Variants in NAA40 observed in about 807,000 individuals in gnomAD.
The protein encoded by NAA40 is N-alpha-acetyltransferase 40.
A neutral mutation model predicts 36.6 loss-of-function variants in NAA40; 26 were observed. The observed-to-expected ratio is 0.71, with a 90% CI of 0.52 to 0.98. NAA40 has a LOEUF of 0.98. Among genes scored for constraint, NAA40 ranks in the 50% least tolerant of loss-of-function variants. The pLI, the probability that NAA40 is intolerant of heterozygous loss-of-function variation, is 0.00. For missense variants in NAA40, 237 were observed against 306.5 expected (o/e 0.77, Z 1.69); for synonymous variants, 129 against 108.4 (o/e 1.19, Z -1.18).
Position 63,939,017 on chromosome 11 carries a change from G to GCCGCTGTTGCAGCCA in NAA40, c.-75_-61dup. The GCCGCTGTTGCAGCCA allele has an allele frequency of 7.3e-7, 1 of 1,366,862 alleles. No homozygotes were observed. The highest frequency in any genetic ancestry group is 1.0e-6 in the Non-Finnish European group (1 of 990,200). 84.7% of individuals were successfully genotyped at this position (1,366,862 alleles called of 1,614,324 possible). A position where few individuals can be genotyped will look rare whatever the true frequency, so the allele number is the denominator to read the frequency against. On this transcript the variant is annotated 5_prime_UTR_variant, in exon 1 of 8. Coordinates refer to ENST00000377793, the MANE Select transcript of NAA40 (RefSeq NM_024771.4). ...TTGCAGGGCCGTCCGCTCTGCTGCC[G>GCCGCTGTTGCAGCCA]CCGCTGTTGCAGCCACCGCCGTTGC... is the stretch of plus-strand genomic sequence containing the variant.
chr11:63,950,586 C>T (rs541498129), intron 3 of NAA40, among the ~76,000 whole-genome samples: 27 of 152,190 alleles, frequency 1.8e-4, no homozygotes, highest in African/African-American at 2.4e-4. Flanking sequence ...CCTCAGCCGC[C>T]GGAGTAGCTG....
chr11:63,953,234 GA>G (rs1942310772), intron 6 of NAA40, among the ~76,000 whole-genome samples: 1 of 151,970 alleles, frequency 6.6e-6, no homozygotes, highest in Non-Finnish European at 1.5e-5. Flanking sequence ...TTTTAGTAGA[GA>G]CGGGGTTTCT....
At position 63,953,959 on chromosome 11, in the gene NAA40, T is replaced by C. The variant is rs1185339316; in HGVS notation, c.495-13T>C. On this transcript the variant is annotated splice_polypyrimidine_tract_variant and intron_variant, in intron 6 of 7. Coordinates refer to ENST00000377793, the MANE Select transcript of NAA40 (RefSeq NM_024771.4). ...TTCTCTTTCTAAAAGGCGTTTGCTC[T>C]GCTTTCTTCCAGCACACAGATGAAG... 3.1e-6 allele frequency: 5 copies of C among 1,613,206 alleles called. No individual in the cohort carries two copies. The highest frequency in any genetic ancestry group is 4.2e-6 in the Non-Finnish European group (5 of 1,179,484).
chr11:63,939,008 T>TCTG lies in NAA40; in HGVS notation c.-84_-82dup. On this transcript the variant is annotated 5_prime_UTR_variant, in exon 1 of 8. Transcript: ENST00000377793. ...GCATGCGCGTTGCAGGGCCGTCCGCTCTGCTGCCGCCGCTGTTGCAGCCAC... is the reference window on the plus strand; with the variant it reads ...GCATGCGCGTTGCAGGGCCGTCCGCTCTGCTGCTGCCGCCGCTGTTGCAGCCAC... 9.2e-7 allele frequency: 1 copy of TCTG among 1,085,728 alleles called. No homozygotes were observed. The highest frequency in any genetic ancestry group is 1.3e-6 in the Non-Finnish European group (1 of 755,714). The allele number at this position is 1,085,728 out of a possible 1,614,324, so 67.3% of individuals were successfully genotyped here.
intron 3 of NAA40, among the ~76,000 whole-genome samples, chr11:63,951,418 ACTGCAACCTCC>A (rs1433257154): frequency 2.0e-5 from 3 of 152,060 alleles, no homozygotes; most frequent in Non-Finnish European, 4.4e-5. Context: ...ATCTTGGCTC[ACTGCAACCTCC>A]GCCTCCCAGG....
intron 5 of NAA40, 38 bp from the exon 6 acceptor site, chr11:63,952,718 C>T: frequency 6.2e-7 from 1 of 1,611,034 alleles, no homozygotes; most frequent in Admixed American, 1.7e-5. Flanking sequence ...TCTTCATGTC[C>T]CATCCTGCAC....
chr11:63,943,916 A>G (rs7933899), intron 1 of NAA40, among the ~76,000 whole-genome samples: 8,791 of 152,294 alleles, frequency 0.058, 861 homozygotes, highest in African/African-American at 0.2. Flanking sequence ...AAACCTGTCC[A>G]TGGTAGAGGG....
chr11:63,939,166 T>G (rs1465591112), intron 1 of NAA40, 64 bp downstream of exon 1: 10 of 1,524,446 alleles, frequency 6.6e-6, no homozygotes, highest in Non-Finnish European at 8.8e-6. Flanking sequence ...TCGCCCCCTT[T>G]GTTCTTAAAC....
In NAA40 at chr11:63,956,291, G is replaced by C. The variant is rs1269118499; in HGVS notation, c.*1812G>C. The C allele has an allele frequency of 2.0e-5, 3 of 152,658 alleles. No homozygotes were observed. The highest frequency in any genetic ancestry group is 4.4e-5 in the Non-Finnish European group (3 of 68,052). 9.5% of individuals were successfully genotyped at this position (152,658 alleles called of 1,614,324 possible). A position where few individuals can be genotyped will look rare whatever the true frequency, so the allele number is the denominator to read the frequency against. Reference sequence around the variant, plus strand: ...TCCTAAGAATCATGAAACCACAGGAGCATGTTTAGGAAGAGATTTGTCTCT... The same window carrying C: ...TCCTAAGAATCATGAAACCACAGGACCATGTTTAGGAAGAGATTTGTCTCT... On this transcript the variant is annotated 3_prime_UTR_variant, in exon 8 of 8. Transcript: ENST00000377793.
At chr11:63,948,378 C>T (rs1176992146) in intron 3 of NAA40, among the ~76,000 whole-genome samples, 2 of 152,034 alleles carry the variant, frequency 1.3e-5, no homozygotes, top group East Asian at 3.9e-4. Context: ...TGTTAAAAGC[C>T]AATTCCTGGC....
intron 1 of NAA40, among the ~76,000 whole-genome samples, chr11:63,944,870 T>C (rs1490764770): frequency 7.1e-6 from 1 of 141,750 alleles, no homozygotes; most frequent in African/African-American, 2.7e-5. Context: ...ACCACTGCAT[T>C]CCAGCTTGGG....
intron 3 of NAA40, among the ~76,000 whole-genome samples, chr11:63,951,201 C>G (rs1942274190): frequency 6.6e-6 from 1 of 152,186 alleles, no homozygotes; most frequent in Admixed American, 6.5e-5. Flanking sequence ...GAATGTAGTG[C>G]TCTCTAGGGA....
chr11:63,953,865 A>G (rs1565174154), intron 6 of NAA40, 107 bp from the exon 7 acceptor site: 1 of 924,790 alleles, frequency 1.1e-6, no homozygotes, highest in Non-Finnish European at 1.7e-6. Flanking sequence ...CCTGGGCTCA[A>G]ATGATCCTCC....
intron 3 of NAA40, among the ~76,000 whole-genome samples, chr11:63,948,292 T>G (rs1942221380): frequency 6.6e-6 from 1 of 152,186 alleles, no homozygotes; most frequent in African/African-American, 2.4e-5. Context: ...CTTTCTGAGT[T>G]TATGGAGTTT....
rs112188619 is a variant in NAA40, at chr11:63,952,683, A to G, written c.411-73A>G. ...GGTCTATGAGCTGCCAAGGACTGCA[A>G]GCTCCTCTGCCAGACCTTACAGCCT... On this transcript the variant is annotated intron_variant, in intron 5 of 7. Coordinates refer to ENST00000377793, the MANE Select transcript of NAA40 (RefSeq NM_024771.4). 1.0e-3 allele frequency: 1,661 copies of G among 1,603,136 alleles called. 19 individuals carry two copies. In the African/African-American group the frequency reaches 0.02, roughly 19 times the overall value.
chr11:63,944,709 C>T (rs1324423064), intron 1 of NAA40, among the ~76,000 whole-genome samples: 1 of 152,018 alleles, frequency 6.6e-6, no homozygotes, highest in African/African-American at 2.4e-5. Context: ...TAGTGACCAG[C>T]CTGGCCAACT....
At chr11:63,950,194 C>G (rs1015664899) in intron 3 of NAA40, among the ~76,000 whole-genome samples, 1 of 150,474 alleles carries the variant, frequency 6.6e-6, no homozygotes, top group African/African-American at 2.5e-5. Flanking sequence ...TCTCGGCTCA[C>G]TGCAGCCTCT....
intron 1 of NAA40, among the ~76,000 whole-genome samples, chr11:63,943,825 A>G (rs1187620293): frequency 6.6e-6 from 1 of 152,146 alleles, no homozygotes; most frequent in African/African-American, 2.4e-5. Flanking sequence ...AAAGAAACAT[A>G]ATGTTTGTAA....
rs1310459503 is a variant in NAA40 at position 63,939,029 on chromosome 11, G to A, written c.-68G>A. ...CCGCTCTGCTGCCGCCGCTGTTGCAGCCACCGCCGTTGCCGCCTCCCTGCC... is the reference window on the plus strand; with the variant it reads ...CCGCTCTGCTGCCGCCGCTGTTGCAACCACCGCCGTTGCCGCCTCCCTGCC... On this transcript the variant is annotated 5_prime_UTR_variant, in exon 1 of 8. Coordinates refer to ENST00000377793, the MANE Select transcript of NAA40 (RefSeq NM_024771.4). 3 of 1,570,012 alleles carry A rather than the reference G, an allele frequency of 1.9e-6. No homozygotes were observed. The highest frequency in any genetic ancestry group is 1.4e-5 in the African/African-American group (1 of 69,980).
Sources: gnomAD v4.1 joint callset for allele counts (sites outside exome capture counted in the v4.1 genomes callset) on GRCh38, gnomAD v4.1.1 for gene constraint, MANE v1.5 for transcripts, NCBI Gene and HGNC (gene_info 2026-07-23, HGNC 2026-07-21) for gene names.